Variants in PCDHA13 observed in about 807,000 individuals in gnomAD.
PCDHA13 encodes protocadherin alpha 13.
In PCDHA13, 54 loss-of-function variants were observed where a neutral mutation model predicts 64.8. The ratio of observed to expected loss-of-function variants is 0.83; its 90% confidence interval spans 0.67 to 1.04. The LOEUF is 1.04. Ranked by LOEUF, PCDHA13 falls within the 50% of genes least tolerant of loss-of-function variation. The pLI, the probability that PCDHA13 is intolerant of heterozygous loss-of-function variation, is 0.00. For synonymous variants in PCDHA13, 587 were observed against 564.4 expected (o/e 1.04, Z -0.57); for missense variants, 1,248 against 1,254.3 (o/e 0.99, Z 0.08).
intron 3 of PCDHA13, among the ~76,000 whole-genome samples, chr5:140,998,480 G>A (rs782244125): frequency 6.6e-6 from 1 of 151,974 alleles, no homozygotes; most frequent in Non-Finnish European, 1.5e-5. Context: ...CCACTGTGCT[G>A]TAACTCTTTG....
chr5:140,967,293 A>T, intron 1 of PCDHA13: 1 of 1,612,824 alleles, frequency 6.2e-7, no homozygotes. Flanking sequence ...CAGGACCCCG[A>T]CGTGGGCGCC....
In PCDHA13 at chr5:140,883,355, A is replaced by C. The variant is rs763058953; in HGVS notation, c.1087A>C (p.Thr363Pro). ...TSLSLPIRED[T>P]QPSAIIALIS... Reference sequence around the variant, plus strand: ...TTTGTCACTCCCCATCAGAGAAGACACTCAGCCTAGCGCCATTATTGCCCT... The same window carrying C: ...TTTGTCACTCCCCATCAGAGAAGACCCTCAGCCTAGCGCCATTATTGCCCT... The change falls in exon 1 of 4, where the codon ACT becomes CCT. Residue 363 changes from threonine to proline, a missense_variant. Coordinates refer to ENST00000289272, the MANE Select transcript of PCDHA13 (RefSeq NM_018904.3). The C allele has an allele frequency of 2.2e-5, 36 of 1,613,958 alleles. No individual in the cohort carries two copies. Among genetic ancestry groups the C allele is most frequent in the Non-Finnish European group, 3.0e-5 (35 of 1,180,006 alleles).
rs567902726 is a variant in PCDHA13 at position 140,936,017 on chromosome 5, C to T, written c.2395-42932C>T. Among the ~76,000 whole-genome samples, 12 of 151,854 alleles carry T rather than the reference C, an allele frequency of 7.9e-5. No individual in the cohort carries two copies. The South Asian group carries it at 1.7e-3, about 21-fold the overall frequency. ...AAGCGATTCTCCCACCTCAGCCTCCCGAGTAGCGGGGATTACAGGCACCCA... is the reference window on the plus strand; with the variant it reads ...AAGCGATTCTCCCACCTCAGCCTCCTGAGTAGCGGGGATTACAGGCACCCA... On this transcript the variant is annotated intron_variant, in intron 1 of 3. Coordinates refer to ENST00000289272, the MANE Select transcript of PCDHA13 (RefSeq NM_018904.3).
chr5:141,006,365 C>A, intron 3 of PCDHA13, among the ~76,000 whole-genome samples: 1 of 151,966 alleles, frequency 6.6e-6, no homozygotes, highest in East Asian at 1.9e-4. Flanking sequence ...GCGCCCACCA[C>A]CACGCCCGGC....
At position 140,988,717 on chromosome 5, in the gene PCDHA13, T is replaced by C. The variant is rs79402139; in HGVS notation, c.2542+6154T>C. Among the ~76,000 whole-genome samples, 1,208 of 152,334 alleles carry C rather than the reference T, an allele frequency of 7.9e-3. 20 individuals carry two copies. Among genetic ancestry groups the C allele is most frequent in the African/African-American group, 0.027 (1,139 of 41,566 alleles). On this transcript the variant is annotated intron_variant, in intron 3 of 3. Transcript: ENST00000289272. ...CTCTGTATTTTCTTGGACCTCTCATTTGCCCCATAGTAATTATTCTAGGAT... is the reference window on the plus strand; with the variant it reads ...CTCTGTATTTTCTTGGACCTCTCATCTGCCCCATAGTAATTATTCTAGGAT...
chr5:140,942,906 G>A (rs1454697434), intron 1 of PCDHA13, among the ~76,000 whole-genome samples: 1 of 151,800 alleles, frequency 6.6e-6, no homozygotes, highest in South Asian at 2.1e-4. Flanking sequence ...CTAAGAATAA[G>A]CGTGAAGAAA....
chr5:140,947,229 GA>G lies in PCDHA13; in HGVS notation c.2395-31711del, dbSNP rs201242412. On this transcript the variant is annotated intron_variant, in intron 1 of 3. Transcript: ENST00000289272. ...AAGAAAATCCTGTCATTTATGACAGGAAAAAAAAATAAGATAATCCAATGTA... is the reference window on the plus strand; with the variant it reads ...AAGAAAATCCTGTCATTTATGACAGGAAAAAAAATAAGATAATCCAATGTA... 1.0e-3 allele frequency among the ~76,000 whole-genome samples: 154 copies of G among 148,902 alleles called. 1 individual carries two copies. The highest frequency in any genetic ancestry group is 8.9e-3 in the Admixed American group (133 of 14,994).
At chr5:140,964,566 G>A (rs2095840528) in intron 1 of PCDHA13, among the ~76,000 whole-genome samples, 1 of 152,168 alleles carries the variant, frequency 6.6e-6, no homozygotes, top group Non-Finnish European at 1.5e-5. Context: ...GGGCTGGGAG[G>A]AGATAAGGGG....
chr5:140,904,773 CATT>C (rs2071382352), intron 1 of PCDHA13, among the ~76,000 whole-genome samples: 1 of 152,076 alleles, frequency 6.6e-6, no homozygotes, highest in Non-Finnish European at 1.5e-5. Flanking sequence ...GATGGTATCA[CATT>C]ATTGTTTTAA....
chr5:140,926,539 G>A (rs910445315), intron 1 of PCDHA13: 2 of 216,944 alleles, frequency 9.2e-6, no homozygotes, highest in Non-Finnish European at 1.8e-5. Flanking sequence ...AGCCAGCGTG[G>A]TGGTCGAGAC....
At chr5:140,899,702 G>A (rs2067498720) in intron 1 of PCDHA13, among the ~76,000 whole-genome samples, 1 of 152,228 alleles carries the variant, frequency 6.6e-6, no homozygotes, top group African/African-American at 2.4e-5. Flanking sequence ...CATAAAATGA[G>A]TTAGGGAGGA....
intron 3 of PCDHA13, among the ~76,000 whole-genome samples, chr5:141,001,534 G>A (rs2098024616): frequency 6.6e-6 from 1 of 152,180 alleles, no homozygotes; most frequent in African/African-American, 2.4e-5. Flanking sequence ...CTCTGATCCT[G>A]GACAGGATTT....
intron 2 of PCDHA13, among the ~76,000 whole-genome samples, chr5:140,981,521 C>T (rs894639773): frequency 1.3e-5 from 2 of 152,208 alleles, no homozygotes; most frequent in South Asian, 4.1e-4. Flanking sequence ...TTGCAGTGAG[C>T]TGAGATCGTG....
intron 1 of PCDHA13, among the ~76,000 whole-genome samples, chr5:140,961,980 T>C (rs909552255): frequency 6.6e-6 from 1 of 151,768 alleles, no homozygotes; most frequent in Non-Finnish European, 1.5e-5. Context: ...GCCTCCTGGG[T>C]TCACGCCATT....
intron 1 of PCDHA13, among the ~76,000 whole-genome samples, chr5:140,914,884 CCTG>C (rs2153531970): frequency 6.6e-6 from 1 of 151,782 alleles, no homozygotes; most frequent in East Asian, 1.9e-4. Flanking sequence ...ACTGTATCCT[CCTG>C]CTTTTAACTT....
intron 1 of PCDHA13, among the ~76,000 whole-genome samples, chr5:140,970,875 AT>A (rs1213440334): frequency 6.6e-6 from 1 of 152,100 alleles, no homozygotes; most frequent in African/African-American, 2.4e-5. Flanking sequence ...TTGAGAGTAG[AT>A]TTTTCTCATG....
At chr5:140,973,586 C>T (rs1207651483) in intron 1 of PCDHA13, among the ~76,000 whole-genome samples, 2 of 152,176 alleles carry the variant, frequency 1.3e-5, no homozygotes, top group African/African-American at 4.8e-5. Context: ...GACTGCTGAG[C>T]CAGATGGAAT....
chr5:140,952,743 C>T lies in PCDHA13; in HGVS notation c.2395-26206C>T, dbSNP rs146786879. Reference sequence around the variant, plus strand: ...TCTGTACTAGTCTTTTCTCACACTGCTATAAAAACACCTGAGACTGGATAA... The same window carrying T: ...TCTGTACTAGTCTTTTCTCACACTGTTATAAAAACACCTGAGACTGGATAA... On this transcript the variant is annotated intron_variant, in intron 1 of 3. Coordinates refer to ENST00000289272, the MANE Select transcript of PCDHA13 (RefSeq NM_018904.3). 8.6e-3 allele frequency among the ~76,000 whole-genome samples: 1,316 copies of T among 152,264 alleles called. 10 individuals are homozygous for T. Among genetic ancestry groups the T allele is most frequent in the Middle Eastern group, 0.014 (4 of 294 alleles).
In PCDHA13 at chr5:140,882,335, GCCTGGGAGACGGGTAGTGGCCAGCT is replaced by G. The variant is rs1554173599; in HGVS notation, c.70_94del (p.Trp24ThrfsTer46). The G allele has an allele frequency of 6.8e-6, 11 of 1,614,078 alleles. No homozygotes were observed. Among genetic ancestry groups the G allele is most frequent in the Non-Finnish European group, 9.3e-6 (11 of 1,180,038 alleles). Reference sequence around the variant, plus strand: ...ACTGCTCTGGCTTCTGATCCTCGCAGCCTGGGAGACGGGTAGTGGCCAGCTCCACTACTCCGTCCCCGAGGAAGCA... The same window carrying G: ...ACTGCTCTGGCTTCTGATCCTCGCAGCCACTACTCCGTCCCCGAGGAAGCA... On this transcript the variant is annotated frameshift_variant, in exon 1 of 4. Coordinates refer to ENST00000289272, the MANE Select transcript of PCDHA13 (RefSeq NM_018904.3). LOFTEE classifies it high-confidence loss of function.
Sources: gnomAD v4.1 joint callset for allele counts (sites outside exome capture counted in the v4.1 genomes callset) on GRCh38, gnomAD v4.1.1 for gene constraint, MANE v1.5 for transcripts, NCBI Gene and HGNC (gene_info 2026-07-23, HGNC 2026-07-21) for gene names.